AGO2: variants seen among roughly 807,000 people sequenced by gnomAD.
AGO2 encodes protein argonaute-2.
A neutral mutation model predicts 102.3 loss-of-function variants in AGO2; 5 were observed. The observed-to-expected ratio is 0.05, with a 90% CI of 0.03 to 0.10. The LOEUF is 0.10. Ranked by LOEUF, AGO2 falls within the 10% of genes least tolerant of loss-of-function variation. AGO2 has a pLI of 1.00. For missense variants in AGO2, 541 were observed against 1,183.7 expected, an observed-to-expected ratio of 0.46 and a Z score of 7.97; for synonymous variants, 449 against 473.1, an observed-to-expected ratio of 0.95 and a Z score of 0.66.
chr8:140,568,820 C>T (rs562077187), intron 3 of AGO2, among the ~76,000 whole-genome samples: 11 of 152,274 alleles, frequency 7.2e-5, no homozygotes, highest in South Asian at 2.1e-4. Context: ...AGTGGCTGCT[C>T]GGTTAGGGCT....
At chr8:140,626,999 C>CTT (rs201257917) in intron 1 of AGO2, among the ~76,000 whole-genome samples, 6,138 of 152,286 alleles carry the variant, frequency 0.04, 423 homozygotes, top group African/African-American at 0.14. Context: ...GTCCAGGTCT[C>CTT]TGAGCACACC....
Position 140,558,695 on chromosome 8 carries a change from C to T in AGO2, c.791-123G>A. ...ACCCAAGTTATGGGGGGCTGCAGGG[C>T]TCCCCTAGGGAGGGTGACCCACAGG... On this transcript the variant is annotated intron_variant, in intron 6 of 18. Transcript: ENST00000220592. The T allele has an allele frequency of 2.8e-6, 3 of 1,057,542 alleles. No individual in the cohort carries two copies. The South Asian group carries it at 4.2e-5, about 15-fold the overall frequency. The allele number at this position is 1,057,542 out of a possible 1,614,324, so 65.5% of individuals were successfully genotyped here.
chr8:140,614,015 CA>C (rs59000809), intron 1 of AGO2, among the ~76,000 whole-genome samples: 21,249 of 56,098 alleles, frequency 0.38, 1,537 homozygotes, highest in Middle Eastern at 0.48. Flanking sequence ...GACCCTGTCT[CA>C]AAAAAAAAAA....
intron 1 of AGO2, among the ~76,000 whole-genome samples, chr8:140,618,397 GAGA>G (rs2074170422): frequency 6.6e-6 from 1 of 151,906 alleles, no homozygotes; most frequent in Non-Finnish European, 1.5e-5. Context: ...GCCAAGGCAG[GAGA>G]AACACTTGAA....
intron 3 of AGO2, among the ~76,000 whole-genome samples, chr8:140,564,251 A>G (rs2944754): frequency 0.81 from 122,003 of 151,376 alleles, 49,807 homozygotes; most frequent in East Asian, 0.99. Flanking sequence ...CCAACAGAGG[A>G]AAGGGCCAGC....
At chr8:140,562,893 G>T (rs941874987) in intron 3 of AGO2, among the ~76,000 whole-genome samples, 3 of 152,138 alleles carry the variant, frequency 2.0e-5, no homozygotes, top group African/African-American at 7.2e-5. Context: ...CACAGTGGTC[G>T]AAAACGTATC....
At chr8:140,571,524 T>A (rs576541538) in intron 3 of AGO2, among the ~76,000 whole-genome samples, 2 of 152,306 alleles carry the variant, frequency 1.3e-5, no homozygotes, top group South Asian at 4.1e-4. Context: ...AGACTGAACG[T>A]CTGTAGAGAG....
intron 1 of AGO2, among the ~76,000 whole-genome samples, chr8:140,605,118 T>G (rs975340497): frequency 1.3e-5 from 2 of 152,080 alleles, no homozygotes; most frequent in Non-Finnish European, 2.9e-5. Context: ...CTTTTTGAGG[T>G]GGGGTCTTCC....
At chr8:140,637,649 C>T (rs915511354), upstream of AGO2, 1 of 152,374 alleles carries the variant, frequency 6.6e-6, no homozygotes, top group African/African-American at 2.4e-5. Flanking sequence ...GTTCCCTCTG[C>T]TCTTTTCCTA....
intron 11 of AGO2, 131 bp from the exon 12 acceptor site, chr8:140,549,429 T>A: frequency 2.2e-6 from 2 of 893,352 alleles, no homozygotes; most frequent in Non-Finnish European, 1.7e-6. Flanking sequence ...AAATTGTTCT[T>A]AAAGTCCTGA....
Position 140,522,678 on chromosome 8 carries a change from G to GAGAGAC in AGO2, c.*9360_*9365dup, listed in dbSNP as rs112359504. 10 of 136,918 alleles carry GAGAGAC rather than the reference G, an allele frequency of 7.3e-5. No homozygotes were observed. Among genetic ancestry groups the GAGAGAC allele is most frequent in the South Asian group, 5.4e-4 (2 of 3,714 alleles). The allele number at this position is 136,918 out of a possible 1,614,324, so 8.5% of individuals were successfully genotyped here. A position where few individuals can be genotyped will look rare whatever the true frequency, so the allele number is the denominator to read the frequency against. On this transcript the variant is annotated 3_prime_UTR_variant, in exon 19 of 19. Transcript: ENST00000220592. ...AGCCAAGCTAGACAAGAGAGAGAGA[G>GAGAGAC]AGAGACAGAGACAGAGACAGAGAGA...
At chr8:140,603,191 T>A (rs1200397301) in intron 1 of AGO2, among the ~76,000 whole-genome samples, 4 of 152,282 alleles carry the variant, frequency 2.6e-5, no homozygotes, top group Admixed American at 2.6e-4. Context: ...GGGTCTAATC[T>A]GGCCCTGTGG....
Position 140,597,488 on chromosome 8 carries a change from G to A in AGO2, c.23-12177C>T, listed in dbSNP as rs865867950. ...GTGGCCCCCCCACCCCCCCCCCCCCGCCCCAGGCCTCCCTGCCTGAGTGAG... is the reference window on the plus strand; with the variant it reads ...GTGGCCCCCCCACCCCCCCCCCCCCACCCCAGGCCTCCCTGCCTGAGTGAG... On this transcript the variant is annotated intron_variant, in intron 1 of 18. Transcript: ENST00000220592. Among the ~76,000 whole-genome samples, 74 of 36,298 alleles carry A rather than the reference G, an allele frequency of 2.0e-3. 1 individual carries two copies. Among genetic ancestry groups the A allele is most frequent in the Non-Finnish European group, 3.4e-3 (54 of 16,072 alleles). The allele number at this position is 36,298 out of a possible 152,430, so 23.8% of individuals were successfully genotyped here. A position where few individuals can be genotyped will look rare whatever the true frequency, so the allele number is the denominator to read the frequency against.
In AGO2 at chr8:140,567,945, G is replaced by A. The variant is rs1283823834; in HGVS notation, c.336+4867C>T. On this transcript the variant is annotated intron_variant, in intron 3 of 18. Transcript: ENST00000220592. The surrounding 1 kb of genome is among the most constrained non-coding windows in gnomAD (Gnocchi z 5.0). Reference sequence around the variant, plus strand: ...GTTGCAGACCAGCCCGGGCAATGTGGCAAAACTCTGTCCCTACAAAAAGAA... The same window carrying A: ...GTTGCAGACCAGCCCGGGCAATGTGACAAAACTCTGTCCCTACAAAAAGAA... 1.3e-5 allele frequency among the ~76,000 whole-genome samples: 2 copies of A among 151,998 alleles called. No homozygotes were observed. The highest frequency in any genetic ancestry group is 2.9e-5 in the Non-Finnish European group (2 of 67,994).
At chr8:140,535,299 T>A in intron 17 of AGO2, 169 bp downstream of exon 17, 229 of 511,962 alleles carry the variant, frequency 4.5e-4, no homozygotes, top group Middle Eastern at 1.7e-3. Context: ...CAGGCCCCTC[T>A]CCCCACCCCA....
chr8:140,551,274 G>T, intron 11 of AGO2, 29 bp downstream of exon 11: 1 of 1,485,878 alleles, frequency 6.7e-7, no homozygotes, highest in Non-Finnish European at 9.0e-7. Flanking sequence ...GCACCCCCAG[G>T]CCGGAGCCTC....
chr8:140,605,073 T>C (rs545366762), intron 1 of AGO2, among the ~76,000 whole-genome samples: 7 of 152,290 alleles, frequency 4.6e-5, no homozygotes, highest in Non-Finnish European at 8.8e-5. Context: ...TTTCCTTTCA[T>C]ACATATTTGA....
At position 140,541,242 on chromosome 8, in the gene AGO2, C is replaced by G; in HGVS notation, c.1956G>C (p.Gln652His). The change falls in exon 15 of 19, where the codon CAG (glutamine) becomes CAC (histidine). Residue 652 changes from glutamine (Q) to histidine (H), a missense_variant. Transcript: ENST00000220592. ...LAAMVRELLI[Q>H]FYKSTRFKPT... ...GCTTGAAGCGCGTGGACTTGTAGAA[C>G]TGGATGAGGAGCTCGCGGACCATGG... The G allele has an allele frequency of 6.2e-7, 1 of 1,611,816 alleles. No individual in the cohort carries two copies. Among genetic ancestry groups the G allele is most frequent in the Non-Finnish European group, 8.5e-7 (1 of 1,179,120 alleles).
intron 1 of AGO2, among the ~76,000 whole-genome samples, chr8:140,587,112 A>G (rs7819727): frequency 0.79 from 120,033 of 152,036 alleles, 47,682 homozygotes; most frequent in Admixed American, 0.84. Context: ...ACGCAGCTCG[A>G]GCCCAGGGCT....
Sources: gnomAD v4.1 joint callset for allele counts (sites outside exome capture counted in the v4.1 genomes callset) on GRCh38, gnomAD v4.1.1 for gene constraint, Gnocchi (gnomAD v3.1) non-coding constraint, MANE v1.5 for transcripts, NCBI Gene and HGNC (gene_info 2026-07-23, HGNC 2026-07-21) for gene names.